RCAN2: variants seen among roughly 807,000 people sequenced by gnomAD.
RCAN2 encodes the protein regulator of calcineurin 2.
RCAN2 carries 9 observed loss-of-function variants against 23.6 expected under a neutral mutation model. That is an observed-to-expected ratio of 0.38 (90% CI 0.23 to 0.67). The LOEUF (loss-of-function observed/expected upper bound fraction) is 0.67, where lower values mean the gene tolerates loss of function less well. Among genes scored for constraint, RCAN2 ranks in the 30% least tolerant of loss-of-function variants. The probability of loss-of-function intolerance (pLI) is 0.51; values close to 1 mark genes in which losing one functional copy is unlikely to be tolerated. For synonymous variants in RCAN2, 109 were observed against 115.7 expected (o/e 0.94, Z 0.37); for missense variants, 273 against 302.3 (o/e 0.90, Z 0.72).
At chr6:46,285,757 G>A (rs1176060555) in intron 2 of RCAN2, among the ~76,000 whole-genome samples, 1 of 151,910 alleles carries the variant, frequency 6.6e-6, no homozygotes, top group African/African-American at 2.4e-5. Context: ...AATGTTACTG[G>A]AATCTTTTTT....
chr6:46,296,007 T>C (rs1762714542), intron 2 of RCAN2, among the ~76,000 whole-genome samples: 1 of 151,890 alleles, frequency 6.6e-6, no homozygotes, highest in Non-Finnish European at 1.5e-5. Flanking sequence ...GGGCACCTTT[T>C]ATGCAGTGGT....
At chr6:46,406,914 C>G (rs1766421965) in intron 2 of RCAN2, among the ~76,000 whole-genome samples, 1 of 152,170 alleles carries the variant, frequency 6.6e-6, no homozygotes, top group African/African-American at 2.4e-5. Context: ...ACTGGGTACA[C>G]AATTATGTGC....
At chr6:46,466,250 G>A (rs1768377920) in intron 1 of RCAN2, among the ~76,000 whole-genome samples, 1 of 152,212 alleles carries the variant, frequency 6.6e-6, no homozygotes, top group South Asian at 2.1e-4. Flanking sequence ...GCCAAAGTAA[G>A]ATTTATCCTG....
At chr6:46,491,864 T>C, upstream of RCAN2, 1 of 152,308 alleles carries the variant, frequency 6.6e-6, no homozygotes. Context: ...GAAAGACTCT[T>C]CTTACCAGAT....
intron 4 of RCAN2, 25 bp downstream of exon 4, chr6:46,246,723 T>C: frequency 1.9e-6 from 3 of 1,605,912 alleles, no homozygotes; most frequent in Non-Finnish European, 2.6e-6. Flanking sequence ...AAACGTTTAT[T>C]TTTAAAATGG....
intron 2 of RCAN2, among the ~76,000 whole-genome samples, chr6:46,365,852 T>C (rs997991224): frequency 6.6e-6 from 1 of 152,206 alleles, no homozygotes; most frequent in Non-Finnish European, 1.5e-5. Flanking sequence ...ATATAACGCA[T>C]CTTAAATAAT....
intron 2 of RCAN2, among the ~76,000 whole-genome samples, chr6:46,377,994 A>G (rs1341884404): frequency 6.6e-6 from 1 of 152,224 alleles, no homozygotes; most frequent in African/African-American, 2.4e-5. Flanking sequence ...GAGCACCCCA[A>G]AAATGTCAGC....
intron 2 of RCAN2, among the ~76,000 whole-genome samples, chr6:46,423,543 C>G (rs949936021): frequency 7.9e-5 from 12 of 152,120 alleles, no homozygotes; most frequent in Middle Eastern, 3.2e-3. Context: ...GAATACTGAC[C>G]CTTCCTCTCT....
chr6:46,311,983 T>TG (rs776612543), intron 2 of RCAN2, among the ~76,000 whole-genome samples: 29 of 152,330 alleles, frequency 1.9e-4, no homozygotes, highest in Admixed American at 5.2e-4. Context: ...TCTGTCCAGT[T>TG]GAATCTGAGA....
At chr6:46,423,087 T>A (rs1534364) in intron 2 of RCAN2, among the ~76,000 whole-genome samples, 63,800 of 151,976 alleles carry the variant, frequency 0.42, 15,926 homozygotes, top group East Asian at 0.59. Flanking sequence ...GGGTATCTAG[T>A]GCCTTGGTGA....
At chr6:46,331,398 C>T (rs990010223) in intron 2 of RCAN2, among the ~76,000 whole-genome samples, 1 of 151,976 alleles carries the variant, frequency 6.6e-6, no homozygotes, top group African/African-American at 2.4e-5. Flanking sequence ...ATTAGGAATT[C>T]ATGGATTAAA....
chr6:46,339,444 T>C (rs1309447545), intron 2 of RCAN2, among the ~76,000 whole-genome samples: 1 of 151,842 alleles, frequency 6.6e-6, no homozygotes, highest in Non-Finnish European at 1.5e-5. Flanking sequence ...GACTTTTATA[T>C]ATAAACGGGG....
At chr6:46,430,651 G>T (rs1340148956) in intron 2 of RCAN2, among the ~76,000 whole-genome samples, 2 of 152,144 alleles carry the variant, frequency 1.3e-5, no homozygotes, top group African/African-American at 4.8e-5. Flanking sequence ...CGGGAATGTG[G>T]ATTTTCCATA....
intron 1 of RCAN2, among the ~76,000 whole-genome samples, chr6:46,464,673 A>T (rs1031922151): frequency 1.3e-5 from 2 of 152,196 alleles, no homozygotes; most frequent in Non-Finnish European, 2.9e-5. Flanking sequence ...AGAATTTCAC[A>T]CCTGCTGAGC....
intron 2 of RCAN2, among the ~76,000 whole-genome samples, chr6:46,316,081 G>A (rs1763426830): frequency 6.6e-6 from 1 of 152,140 alleles, no homozygotes; most frequent in South Asian, 2.1e-4. Flanking sequence ...CCTGAGGTGA[G>A]GGCACTGCTG....
intron 2 of RCAN2, among the ~76,000 whole-genome samples, chr6:46,420,343 A>G (rs1766846625): frequency 6.6e-6 from 1 of 152,096 alleles, no homozygotes; most frequent in Non-Finnish European, 1.5e-5. Flanking sequence ...ATTTGCAAGG[A>G]GTGGTTCTGT....
intron 4 of RCAN2, among the ~76,000 whole-genome samples, chr6:46,232,920 C>T (rs906508975): frequency 6.6e-5 from 10 of 151,904 alleles, no homozygotes; most frequent in East Asian, 3.9e-4. Context: ...TGGGTGGTGA[C>T]GGTTACATGG....
chr6:46,237,852 C>T (rs1178724194), intron 4 of RCAN2, among the ~76,000 whole-genome samples: 1 of 152,164 alleles, frequency 6.6e-6, no homozygotes, highest in East Asian at 1.9e-4. Flanking sequence ...AAGAGGCCCA[C>T]GTTAAGAAGA....
intron 1 of RCAN2, among the ~76,000 whole-genome samples, chr6:46,489,036 G>A (rs1364400415): frequency 6.6e-6 from 1 of 152,080 alleles, no homozygotes; most frequent in Non-Finnish European, 1.5e-5. Context: ...TCCTTAGCAG[G>A]GTATATTCAC....
Sources: allele counts gnomAD v4.1 joint callset (sites outside exome capture counted in the v4.1 genomes callset), GRCh38; gene constraint gnomAD v4.1.1; transcripts MANE v1.5; gene names NCBI Gene and HGNC (gene_info 2026-07-23, HGNC 2026-07-21).